AUTS2: variants seen among roughly 807,000 people sequenced by gnomAD.
AUTS2 encodes autism susceptibility gene 2 protein.
In AUTS2, 17 loss-of-function variants were observed where a neutral mutation model predicts 112.4. That is an observed-to-expected ratio of 0.15 (90% CI 0.10 to 0.23). AUTS2 has a LOEUF of 0.23. Ranked by LOEUF, AUTS2 falls within the 10% of genes least tolerant of loss-of-function variation. The pLI is 1.00. For synonymous variants in AUTS2, 751 were observed against 702.7 expected, an observed-to-expected ratio of 1.07 and a Z score of -1.09; for missense variants, 1,510 against 1,701.6, an observed-to-expected ratio of 0.89 and a Z score of 1.98.
Position 70,581,387 on chromosome 7 carries a change from A to G in AUTS2, c.691-117182A>G, listed in dbSNP as rs370513229. ...GGCAAGAAGAGCGAAACTCCGTCTC[A>G]ATAAATAAATAAATAAATAAATTAG... On this transcript the variant is annotated intron_variant, in intron 5 of 18. Transcript: ENST00000342771. 3.3e-5 allele frequency among the ~76,000 whole-genome samples: 5 copies of G among 151,952 alleles called. No individual in the cohort carries two copies. The East Asian group carries it at 7.7e-4, about 24-fold the overall frequency.
At chr7:70,511,561 CTTTTTTTTTTTTTTT>C (rs3974587) in intron 5 of AUTS2, among the ~76,000 whole-genome samples, 1 of 70,104 alleles carries the variant, frequency 1.4e-5, no homozygotes, top group African/African-American at 6.0e-5. Context: ...TTTTCATTTT[CTTTTTTTTTTTTTTT>C]TTTTTTTTTT....
intron 4 of AUTS2, among the ~76,000 whole-genome samples, chr7:70,395,710 G>A (rs1794049607): frequency 6.6e-6 from 1 of 152,150 alleles, no homozygotes. Flanking sequence ...TCAGTGCTTA[G>A]TGACTTTGAA....
At chr7:70,085,717 C>G (rs899863724) in intron 2 of AUTS2, among the ~76,000 whole-genome samples, 1 of 152,142 alleles carries the variant, frequency 6.6e-6, no homozygotes, top group Non-Finnish European at 1.5e-5. Context: ...CTTAAAATGA[C>G]TGTCCTTTCT....
chr7:69,659,834 A>G (rs1054093138), intron 1 of AUTS2, among the ~76,000 whole-genome samples: 2 of 152,006 alleles, frequency 1.3e-5, no homozygotes, highest in African/African-American at 2.4e-5. Flanking sequence ...TCTCTTCCTC[A>G]TTTTATGACT....
intron 6 of AUTS2, among the ~76,000 whole-genome samples, chr7:70,735,304 A>G (rs1299957406): frequency 2.0e-5 from 3 of 152,216 alleles, no homozygotes; most frequent in African/African-American, 7.2e-5. Context: ...GACTTGTGAA[A>G]GGATGTCAAA....
intron 5 of AUTS2, among the ~76,000 whole-genome samples, chr7:70,512,202 A>T (rs993959951): frequency 2.0e-5 from 3 of 152,220 alleles, no homozygotes; most frequent in African/African-American, 7.2e-5. Context: ...CTCCCACACA[A>T]AAAGCTCACT....
At chr7:69,699,418 A>G (rs1458239476) in intron 1 of AUTS2, among the ~76,000 whole-genome samples, 1 of 152,088 alleles carries the variant, frequency 6.6e-6, no homozygotes, top group East Asian at 1.9e-4. Flanking sequence ...CCTTTGTTAT[A>G]CCATATTTAG....
rs534098351 is a variant in AUTS2, at chr7:70,083,971, A to G, written c.523-34161A>G. The stretch of plus-strand genomic sequence containing the variant: ...CAAAGAAAAAAAAATGAATATATCC[A>G]TCACCCCCAAAAGTTTCCTCCTTTC... On this transcript the variant is annotated intron_variant, in intron 2 of 18. Transcript: ENST00000342771. 9.9e-5 allele frequency among the ~76,000 whole-genome samples: 15 copies of G among 151,974 alleles called. 1 individual carries two copies. In the South Asian group the frequency reaches 3.1e-3, roughly 32 times the overall value.
rs527996376 is a variant in AUTS2 at position 69,848,251 on chromosome 7, C to A, written c.310-51035C>A. ...GACGATTGCAGCCTGTACTGCATTG[C>A]CCCTATCTGTAACCCCATTAAGAGG... On this transcript the variant is annotated intron_variant, in intron 1 of 18. Transcript: ENST00000342771. Among the ~76,000 whole-genome samples, 2 of 152,302 alleles carry A rather than the reference C, an allele frequency of 1.3e-5. 1 individual carries two copies. The highest frequency in any genetic ancestry group is 4.8e-5 in the African/African-American group (2 of 41,560).
intron 4 of AUTS2, among the ~76,000 whole-genome samples, chr7:70,167,593 C>T (rs921887659): frequency 6.6e-6 from 1 of 151,978 alleles, no homozygotes; most frequent in African/African-American, 2.4e-5. Context: ...AGAATGTGCC[C>T]TTCAACAGCA....
intron 1 of AUTS2, among the ~76,000 whole-genome samples, chr7:69,787,407 C>T (rs1185508188): frequency 6.6e-6 from 1 of 152,192 alleles, no homozygotes; most frequent in African/African-American, 2.4e-5. Flanking sequence ...GAAGTAGTAT[C>T]AGGATCTTTC....
intron 5 of AUTS2, among the ~76,000 whole-genome samples, chr7:70,496,048 T>C (rs1200699244): frequency 9.1e-6 from 1 of 110,130 alleles, no homozygotes; most frequent in Admixed American, 1.1e-4. Flanking sequence ...ACACGTCACA[T>C]CAGCATCTAT....
intron 5 of AUTS2, among the ~76,000 whole-genome samples, chr7:70,635,754 C>T (rs1054988944): frequency 1.3e-5 from 2 of 152,090 alleles, no homozygotes; most frequent in African/African-American, 2.4e-5. Flanking sequence ...CATTTCCCTG[C>T]TTAACATGAC....
intron 5 of AUTS2, among the ~76,000 whole-genome samples, chr7:70,440,042 A>G (rs577992801): frequency 6.6e-5 from 10 of 152,182 alleles, no homozygotes; most frequent in Non-Finnish European, 1.3e-4. Context: ...CAGCTGTCAA[A>G]TGGGGGTGAC....
At chr7:70,581,816 G>T (rs370607454) in intron 5 of AUTS2, among the ~76,000 whole-genome samples, 1 of 152,074 alleles carries the variant, frequency 6.6e-6, no homozygotes, top group Non-Finnish European at 1.5e-5. Flanking sequence ...TTTTAATGTG[G>T]TGTAGTTGAC....
At chr7:69,678,139 A>C (rs1327063128) in intron 1 of AUTS2, among the ~76,000 whole-genome samples, 2 of 152,106 alleles carry the variant, frequency 1.3e-5, no homozygotes, top group African/African-American at 2.4e-5. Context: ...GGAAGTGCTC[A>C]TCTGAAAGGC....
At chr7:70,140,431 G>C (rs955548311) in intron 4 of AUTS2, among the ~76,000 whole-genome samples, 1 of 152,140 alleles carries the variant, frequency 6.6e-6, no homozygotes, top group Admixed American at 6.5e-5. Context: ...GAGCTCTCCA[G>C]AGAACCTATC....
At chr7:69,671,015 T>G (rs1037154724) in intron 1 of AUTS2, among the ~76,000 whole-genome samples, 3 of 152,198 alleles carry the variant, frequency 2.0e-5, no homozygotes, top group Admixed American at 6.5e-5. Context: ...GGAAAACTAA[T>G]TTTTTAGGTA....
At chr7:69,610,215 T>C (rs1381130043) in intron 1 of AUTS2, among the ~76,000 whole-genome samples, 2 of 152,204 alleles carry the variant, frequency 1.3e-5, no homozygotes, top group Non-Finnish European at 2.9e-5. Context: ...AAATAACACA[T>C]GCGACTGACA....
Sources: gnomAD v4.1 joint callset for allele counts (sites outside exome capture counted in the v4.1 genomes callset) on GRCh38, gnomAD v4.1.1 for gene constraint, MANE v1.5 for transcripts, NCBI Gene and HGNC (gene_info 2026-07-23, HGNC 2026-07-21) for gene names.